The following RYR3 variants were observed in gnomAD, a reference collection of about 807,000 sequenced individuals.
RYR3 encodes ryanodine receptor 3.
In RYR3, 207 loss-of-function variants were observed where a neutral mutation model predicts 584.3. That is an observed-to-expected ratio of 0.35 (90% CI 0.32 to 0.40). RYR3 has a LOEUF of 0.40. Ranked by LOEUF, RYR3 falls within the 10% of genes least tolerant of loss-of-function variation. RYR3 has a pLI of 1.00. For missense variants in RYR3, 5,616 were observed against 6,089.2 expected, an observed-to-expected ratio of 0.92 and a Z score of 2.59; for synonymous variants, 2,416 against 2,248.5, an observed-to-expected ratio of 1.07 and a Z score of -2.11.
intron 1 of RYR3, among the ~76,000 whole-genome samples, chr15:33,333,330 A>T (rs1970588818): frequency 6.6e-6 from 1 of 152,150 alleles, no homozygotes; most frequent in Non-Finnish European, 1.5e-5. Context: ...CTGGCAAACC[A>T]AATCTAGCAG....
intron 1 of RYR3, among the ~76,000 whole-genome samples, chr15:33,407,193 T>C (rs532120439): frequency 2.0e-5 from 3 of 152,332 alleles, no homozygotes; most frequent in East Asian, 3.9e-4. Flanking sequence ...CATGGCTTAA[T>C]CACTATCTTA....
In RYR3 at chr15:33,543,683, A is replaced by G. The variant is rs966003933; in HGVS notation, c.708A>G (p.Ile236Met). The G allele has an allele frequency of 6.2e-6, 10 of 1,612,564 alleles. No individual in the cohort carries two copies. The African/African-American group carries it at 1.2e-4, about 19-fold the overall frequency. ...ATGGTCATGATGAATGTTTGACGAT[A>G]CCATCTACAGACCAGAATGATTCCC... ...LFHGHDECLT[I>M]PSTDQNDSQH... The change falls in exon 8 of 104, where the codon ATA (isoleucine) becomes ATG (methionine). Residue 236 changes from isoleucine (I) to methionine (M), a missense_variant. Ile to Met is a conservative substitution (Grantham distance 10). This residue lies in a region of RYR3 where 1,284 missense variants were observed against 1,344.6 expected (regional missense o/e 0.95). Coordinates refer to ENST00000634891, the MANE Select transcript of RYR3 (RefSeq NM_001036.6).
intron 27 of RYR3, among the ~76,000 whole-genome samples, chr15:33,640,816 T>A (rs2061767062): frequency 6.6e-6 from 1 of 152,234 alleles, no homozygotes; most frequent in Non-Finnish European, 1.5e-5. Context: ...TCTTCAGAGT[T>A]GTCAGCATAA....
chr15:33,541,959 T>C (rs1294160597), intron 7 of RYR3, among the ~76,000 whole-genome samples: 1 of 152,128 alleles, frequency 6.6e-6, no homozygotes, highest in Non-Finnish European at 1.5e-5. Flanking sequence ...ATCTTCTCCA[T>C]GTTAAATTTT....
At chr15:33,743,660 C>G (rs2070397472) in intron 52 of RYR3, among the ~76,000 whole-genome samples, 5 of 152,322 alleles carry the variant, frequency 3.3e-5, no homozygotes, top group African/African-American at 1.2e-4. Flanking sequence ...AGCCATCACT[C>G]AACCATGTGG....
At chr15:33,598,450 A>C (rs1287202547) in intron 16 of RYR3, among the ~76,000 whole-genome samples, 3 of 152,070 alleles carry the variant, frequency 2.0e-5, no homozygotes, top group African/African-American at 7.2e-5. Context: ...TAAACTAACA[A>C]CGATCACACA....
At chr15:33,647,355 G>A in intron 29 of RYR3, 69 bp from the exon 30 acceptor site, 1 of 1,260,334 alleles carries the variant, frequency 7.9e-7, no homozygotes, top group Non-Finnish European at 1.2e-6. Flanking sequence ...GGTAGATCAA[G>A]TTGCCTGTCG....
chr15:33,402,568 T>A (rs1412925495), intron 1 of RYR3, among the ~76,000 whole-genome samples: 1 of 152,246 alleles, frequency 6.6e-6, no homozygotes, highest in East Asian at 1.9e-4. Context: ...TAGAGCTGAT[T>A]TATGATGAAA....
chr15:33,782,078 C>G (rs2074420313), intron 65 of RYR3, among the ~76,000 whole-genome samples: 2 of 152,184 alleles, frequency 1.3e-5, no homozygotes, highest in Admixed American at 1.3e-4. Flanking sequence ...TACATTTATT[C>G]TGCTTCAACT....
At chr15:33,596,767 G>A (rs1016837011) in intron 16 of RYR3, among the ~76,000 whole-genome samples, 1 of 151,998 alleles carries the variant, frequency 6.6e-6, no homozygotes, top group Non-Finnish European at 1.5e-5. Context: ...CCTTTCAATG[G>A]CAAAAACCAT....
chr15:33,773,683 C>T (rs2073785812), intron 64 of RYR3, 68 bp downstream of exon 64: 2 of 1,003,422 alleles, frequency 2.0e-6, no homozygotes, highest in Middle Eastern at 2.0e-4. Flanking sequence ...CTTTTACACA[C>T]TTAATGATAT....
chr15:33,578,821 A>G (rs1034241771), intron 12 of RYR3, among the ~76,000 whole-genome samples: 5 of 151,766 alleles, frequency 3.3e-5, no homozygotes, highest in African/African-American at 1.2e-4. Context: ...TTGCACATTG[A>G]GCCAATTCTC....
intron 93 of RYR3, among the ~76,000 whole-genome samples, chr15:33,847,415 T>C (rs2078798631): frequency 6.6e-6 from 1 of 152,220 alleles, no homozygotes; most frequent in Non-Finnish European, 1.5e-5. Context: ...GCCAGTGGCA[T>C]CTCAGCTGGA....
chr15:33,833,997 A>G (rs2077858151), intron 86 of RYR3, among the ~76,000 whole-genome samples: 1 of 152,170 alleles, frequency 6.6e-6, no homozygotes, highest in Non-Finnish European at 1.5e-5. Context: ...GAGTGAGATT[A>G]TTGACCGCGC....
chr15:33,579,319 G>C (rs1202886335), intron 12 of RYR3, among the ~76,000 whole-genome samples: 2 of 152,134 alleles, frequency 1.3e-5, no homozygotes, highest in Non-Finnish European at 2.9e-5. Flanking sequence ...AGAGAAACGT[G>C]ATGAGAAAAA....
intron 2 of RYR3, among the ~76,000 whole-genome samples, chr15:33,475,093 G>A (rs1192532075): frequency 6.6e-6 from 1 of 152,048 alleles, no homozygotes; most frequent in East Asian, 1.9e-4. Context: ...GGCAGTCTGG[G>A]ATAATAGGGA....
At chr15:33,810,736 C>T (rs1356485321) in intron 71 of RYR3, 87 bp downstream of exon 71, 2 of 1,534,820 alleles carry the variant, frequency 1.3e-6, no homozygotes, top group Non-Finnish European at 1.8e-6. Context: ...GTCCTCCTCC[C>T]CTGGGGGGCG....
At chr15:33,796,163 C>G (rs1447461214) in intron 67 of RYR3, among the ~76,000 whole-genome samples, 1 of 152,070 alleles carries the variant, frequency 6.6e-6, no homozygotes, top group Non-Finnish European at 1.5e-5. Flanking sequence ...AGGACAAAGT[C>G]TCGCTCTGTC....
At chr15:33,650,639 A>G (rs28585082) in intron 31 of RYR3, among the ~76,000 whole-genome samples, 39,973 of 152,130 alleles carry the variant, frequency 0.26, 5,385 homozygotes, top group South Asian at 0.33. Flanking sequence ...ATTGGCCCCA[A>G]CATCTTCCAC....
Sources: allele counts gnomAD v4.1 joint callset (sites outside exome capture counted in the v4.1 genomes callset), GRCh38; gene constraint gnomAD v4.1.1; regional missense constraint gnomAD v4.1.1; transcripts MANE v1.5; gene names NCBI Gene and HGNC (gene_info 2026-07-23, HGNC 2026-07-21).